SUGCT: variants seen among roughly 807,000 people sequenced by gnomAD.
The protein encoded by SUGCT is succinyl-CoA:glutarate CoA-transferase.
A neutral mutation model predicts 55.0 loss-of-function variants in SUGCT; 41 were observed. The observed-to-expected ratio is 0.74, with a 90% CI of 0.58 to 0.97. The LOEUF is 0.97. Ranked by LOEUF, SUGCT falls within the 50% of genes least tolerant of loss-of-function variation. SUGCT has a pLI of 0.00. For synonymous variants in SUGCT, 187 were observed against 200.4 expected (o/e 0.93, Z 0.56); for missense variants, 568 against 547.8 (o/e 1.04, Z -0.37).
intron 9 of SUGCT, among the ~76,000 whole-genome samples, chr7:40,388,657 G>C (rs571970113): frequency 1.3e-5 from 2 of 152,198 alleles, no homozygotes; most frequent in African/African-American, 4.8e-5. Context: ...TTAAAGTGAT[G>C]TGCCTGCCGT....
chr7:40,516,067 A>T (rs1404515295), intron 12 of SUGCT, among the ~76,000 whole-genome samples: 1 of 152,118 alleles, frequency 6.6e-6, no homozygotes, highest in Admixed American at 6.5e-5. Flanking sequence ...GGTGTATATG[A>T]AGTTGTATCT....
the SUGCT span, among the ~76,000 whole-genome samples, chr7:40,929,981 A>G: frequency 6.6e-6 from 1 of 152,148 alleles, no homozygotes. Flanking sequence ...TGTTTTAGTC[A>G]TGAAGTCCTT....
the SUGCT span, among the ~76,000 whole-genome samples, chr7:41,001,791 G>A: frequency 6.6e-6 from 1 of 152,166 alleles, no homozygotes; most frequent in African/African-American, 2.4e-5. Flanking sequence ...TGGTGGTGAG[G>A]ATTTAAATGT....
rs986579942 is a variant in SUGCT, at chr7:40,424,979, C to T, written c.817-24308C>T. On this transcript the variant is annotated intron_variant, in intron 9 of 13. Coordinates refer to ENST00000335693, the MANE Select transcript of SUGCT (RefSeq NM_001193313.2). ...AAAAAACACAGTAATAGAGTGGGTA[C>T]GTAAGGACCCCATGTCTTTATAAAA... Among the ~76,000 whole-genome samples, 33 of 152,032 alleles carry T rather than the reference C, an allele frequency of 2.2e-4. 1 individual carries two copies. Among genetic ancestry groups the T allele is most frequent in the Non-Finnish European group, 7.4e-5 (5 of 68,002 alleles).
chr7:40,589,381 C>T (rs1016683795), intron 12 of SUGCT, among the ~76,000 whole-genome samples: 1 of 152,152 alleles, frequency 6.6e-6, no homozygotes, highest in Non-Finnish European at 1.5e-5. Context: ...CATCTTAGGG[C>T]CAGTTTCTCT....
At chr7:40,284,196 G>C (rs547566246) in intron 8 of SUGCT, among the ~76,000 whole-genome samples, 1 of 152,262 alleles carries the variant, frequency 6.6e-6, no homozygotes, top group Non-Finnish European at 1.5e-5. Flanking sequence ...GTTTCAGTTA[G>C]ATGGGATGAA....
intron 12 of SUGCT, among the ~76,000 whole-genome samples, chr7:40,605,994 C>T (rs377508647): frequency 2.0e-4 from 30 of 152,058 alleles, no homozygotes; most frequent in African/African-American, 6.8e-4. Flanking sequence ...CAGATTGCAT[C>T]GTATTCAGTC....
chr7:40,230,632 G>A (rs1010757659), intron 6 of SUGCT, among the ~76,000 whole-genome samples: 68 of 152,146 alleles, frequency 4.5e-4, no homozygotes, highest in Admixed American at 5.2e-4. Context: ...TAGAGTCCAG[G>A]ATGGCCCTTA....
intron 9 of SUGCT, among the ~76,000 whole-genome samples, chr7:40,440,835 G>T (rs1788474729): frequency 6.6e-6 from 1 of 151,990 alleles, no homozygotes; most frequent in Non-Finnish European, 1.5e-5. Flanking sequence ...CTCCATCTGA[G>T]TAGTCCCAGC....
At chr7:40,967,751 G>A in the SUGCT span, among the ~76,000 whole-genome samples, 5 of 152,012 alleles carry the variant, frequency 3.3e-5, no homozygotes, top group African/African-American at 1.2e-4. Context: ...CTCCCGAGTA[G>A]CTGGGAATAG....
At chr7:40,162,323 A>G (rs996894187) in intron 1 of SUGCT, among the ~76,000 whole-genome samples, 1 of 152,176 alleles carries the variant, frequency 6.6e-6, no homozygotes, top group Non-Finnish European at 1.5e-5. Flanking sequence ...AAGATCTGGG[A>G]TATGTTAGGA....
At chr7:40,757,538 A>G (rs1385636244) in intron 13 of SUGCT, among the ~76,000 whole-genome samples, 7 of 152,310 alleles carry the variant, frequency 4.6e-5, no homozygotes, top group Non-Finnish European at 8.8e-5. Context: ...TAAGTTATCA[A>G]TGAATTCCTG....
intron 1 of SUGCT, among the ~76,000 whole-genome samples, chr7:40,155,282 C>G (rs56917759): frequency 7.0e-6 from 1 of 142,014 alleles, no homozygotes; most frequent in Non-Finnish European, 1.5e-5. Context: ...GAGACCCCAT[C>G]TCAAAAAAAA....
intron 12 of SUGCT, among the ~76,000 whole-genome samples, chr7:40,698,145 G>A (rs1448235065): frequency 1.3e-5 from 2 of 152,210 alleles, no homozygotes; most frequent in Non-Finnish European, 2.9e-5. Flanking sequence ...TGGTAAGATG[G>A]CAGCCTGCAA....
At chr7:40,825,554 A>G (rs960600741) in intron 13 of SUGCT, among the ~76,000 whole-genome samples, 1 of 152,226 alleles carries the variant, frequency 6.6e-6, no homozygotes, top group Non-Finnish European at 1.5e-5. Context: ...AAAGAAAAAG[A>G]AAAACCTGAC....
chr7:40,665,591 G>A (rs1279997714), intron 12 of SUGCT, among the ~76,000 whole-genome samples: 1 of 152,124 alleles, frequency 6.6e-6, no homozygotes, highest in Admixed American at 6.5e-5. Context: ...GAACTAAAGA[G>A]AAGTGAAGTA....
chr7:40,751,249 A>G (rs1787996595), intron 13 of SUGCT, among the ~76,000 whole-genome samples: 1 of 152,124 alleles, frequency 6.6e-6, no homozygotes, highest in African/African-American at 2.4e-5. Context: ...GTTCTAAGCC[A>G]GGATGAAAGG....
At chr7:40,481,886 T>C (rs1183972789) in intron 11 of SUGCT, among the ~76,000 whole-genome samples, 7 of 152,146 alleles carry the variant, frequency 4.6e-5, no homozygotes, top group Admixed American at 4.6e-4. Flanking sequence ...TGCTTAACTT[T>C]TTTCCATAGC....
chr7:40,712,946 C>T (rs1353187702), intron 12 of SUGCT, among the ~76,000 whole-genome samples: 1 of 152,236 alleles, frequency 6.6e-6, no homozygotes, highest in African/African-American at 2.4e-5. Flanking sequence ...CAAGACTTGT[C>T]TAAAATGTAT....
Sources: allele counts gnomAD v4.1 joint callset (sites outside exome capture counted in the v4.1 genomes callset), GRCh38; gene constraint gnomAD v4.1.1; transcripts MANE v1.5; gene names NCBI Gene and HGNC (gene_info 2026-07-23, HGNC 2026-07-21).